Variants in ZDHHC17 observed in about 807,000 individuals in gnomAD.
The protein encoded by ZDHHC17 is palmitoyltransferase ZDHHC17.
In ZDHHC17, 40 loss-of-function variants were observed where a neutral mutation model predicts 90.3. The ratio of observed to expected loss-of-function variants is 0.44; its 90% confidence interval spans 0.34 to 0.58. ZDHHC17 has a LOEUF of 0.58. Ranked by LOEUF, ZDHHC17 falls within the 20% of genes least tolerant of loss-of-function variation. The pLI is 0.01. For missense variants in ZDHHC17, 614 were observed against 780.8 expected, an observed-to-expected ratio of 0.79 and a Z score of 2.55; for synonymous variants, 235 against 252.4, an observed-to-expected ratio of 0.93 and a Z score of 0.65.
chr12:76,786,981 A>G (rs1264285042), intron 1 of ZDHHC17, among the ~76,000 whole-genome samples: 1 of 152,252 alleles, frequency 6.6e-6, no homozygotes, highest in East Asian at 1.9e-4. Context: ...TCAGTTACGT[A>G]TCTTTGCCAT....
At chr12:76,802,329 A>T (rs909732366) in intron 2 of ZDHHC17, among the ~76,000 whole-genome samples, 5 of 152,134 alleles carry the variant, frequency 3.3e-5, no homozygotes, top group Admixed American at 2.6e-4. Context: ...CTTATTGAGG[A>T]TCCTTGTATG....
intron 11 of ZDHHC17, 85 bp downstream of exon 11, chr12:76,842,191 C>G: frequency 7.6e-7 from 1 of 1,321,062 alleles, no homozygotes; most frequent in Non-Finnish European, 9.8e-7. Flanking sequence ...GAGGAATTAA[C>G]TATCGTTTAG....
chr12:76,814,068 A>G (rs917795644), intron 5 of ZDHHC17, among the ~76,000 whole-genome samples: 1 of 152,010 alleles, frequency 6.6e-6, no homozygotes, highest in Non-Finnish European at 1.5e-5. Context: ...TTATTTTCAA[A>G]GTACTCCAGG....
At chr12:76,834,247 TAAAC>T (rs1382802450) in intron 10 of ZDHHC17, among the ~76,000 whole-genome samples, 13 of 152,206 alleles carry the variant, frequency 8.5e-5, no homozygotes, top group African/African-American at 1.2e-4. Flanking sequence ...TTATTATAAT[TAAAC>T]AAATCTAAAA....
intron 11 of ZDHHC17, 70 bp from the exon 12 acceptor site, chr12:76,842,849 C>A: frequency 9.1e-7 from 1 of 1,095,620 alleles, no homozygotes; most frequent in East Asian, 2.7e-5. Context: ...TTTATTGATT[C>A]ATAGTGGTGG....
intron 1 of ZDHHC17, among the ~76,000 whole-genome samples, chr12:76,775,280 G>C (rs1173085985): frequency 1.3e-5 from 2 of 152,156 alleles, no homozygotes; most frequent in African/African-American, 4.8e-5. Context: ...TGTGGAATGT[G>C]TGTCAGTGGC....
intron 1 of ZDHHC17, among the ~76,000 whole-genome samples, chr12:76,792,178 T>C (rs1356588372): frequency 6.6e-6 from 1 of 152,132 alleles, no homozygotes. Flanking sequence ...TAGGCTCCAC[T>C]CCAGGTCACT....
intron 2 of ZDHHC17, among the ~76,000 whole-genome samples, chr12:76,800,413 G>C (rs183027354): frequency 6.6e-6 from 1 of 152,144 alleles, no homozygotes; most frequent in African/African-American, 2.4e-5. Flanking sequence ...TCTAGTTCTT[G>C]CATCCATTAT....
In ZDHHC17 at chr12:76,809,611, A is replaced by G. The variant is rs536778407; in HGVS notation, c.399-102A>G. The G allele has an allele frequency of 1.2e-5, 11 of 933,878 alleles. No individual in the cohort carries two copies. In the East Asian group the frequency reaches 1.3e-4, roughly 11 times the overall value. 57.8% of individuals were successfully genotyped at this position (933,878 alleles called of 1,614,324 possible). On this transcript the variant is annotated intron_variant, in intron 4 of 16. Transcript: ENST00000426126. ...ATTTTAAAATAACTTTTCAAAATAC[A>G]TACGTAATCTTCCCACCATACCTTA...
chr12:76,806,537 A>T (rs76684278), intron 3 of ZDHHC17, among the ~76,000 whole-genome samples: 1 of 152,082 alleles, frequency 6.6e-6, no homozygotes, highest in Non-Finnish European at 1.5e-5. Context: ...ATGCCCAGCT[A>T]ATTTTTTTTA....
At chr12:76,806,022 AG>A in intron 3 of ZDHHC17, among the ~76,000 whole-genome samples, 1 of 152,252 alleles carries the variant, frequency 6.6e-6, no homozygotes, top group East Asian at 1.9e-4. Context: ...ATCAAGAGTC[AG>A]GATGATAGGA....
At chr12:76,800,885 C>CCTTT (rs1952878580) in intron 2 of ZDHHC17, among the ~76,000 whole-genome samples, 2 of 108,086 alleles carry the variant, frequency 1.9e-5, no homozygotes, top group African/African-American at 6.9e-5. Flanking sequence ...TTTGCCATTT[C>CCTTT]TTTTTTTTTT....
intron 2 of ZDHHC17, among the ~76,000 whole-genome samples, chr12:76,804,239 G>C (rs996914970): frequency 6.6e-6 from 1 of 152,216 alleles, no homozygotes; most frequent in Non-Finnish European, 1.5e-5. Flanking sequence ...ATTATCCTTT[G>C]TGTGAGGGGA....
chr12:76,791,847 C>T (rs566114819), intron 1 of ZDHHC17, among the ~76,000 whole-genome samples: 1 of 152,198 alleles, frequency 6.6e-6, no homozygotes, highest in Non-Finnish European at 1.5e-5. Context: ...GCTCACAGAA[C>T]ACAGGGAAAC....
intron 3 of ZDHHC17, among the ~76,000 whole-genome samples, chr12:76,807,255 T>C (rs1036037136): frequency 2.6e-5 from 4 of 152,236 alleles, no homozygotes; most frequent in South Asian, 2.1e-4. Flanking sequence ...AAAACACTTA[T>C]TTGTGATGCT....
intron 1 of ZDHHC17, chr12:76,764,858 T>A: frequency 2.2e-6 from 1 of 456,170 alleles, no homozygotes; most frequent in Non-Finnish European, 4.4e-6. Flanking sequence ...CGGGCGTCCT[T>A]TTTTGAGCAT....
At chr12:76,846,313 T>C (rs1475449111) in intron 13 of ZDHHC17, 4 of 347,726 alleles carry the variant, frequency 1.2e-5, no homozygotes, top group Non-Finnish European at 1.5e-5. Flanking sequence ...TAGGGCTATT[T>C]TAAACCTCAC....
intron 5 of ZDHHC17, among the ~76,000 whole-genome samples, chr12:76,810,708 A>AG (rs35544887): frequency 1.3e-5 from 2 of 151,736 alleles, no homozygotes; most frequent in East Asian, 1.9e-4. Context: ...CTGGAAGGGG[A>AG]GGGGGGGTTA....
At chr12:76,842,812 A>T (rs1333133756) in intron 11 of ZDHHC17, 107 bp from the exon 12 acceptor site, 2 of 763,732 alleles carry the variant, frequency 2.6e-6, no homozygotes, top group Non-Finnish European at 4.2e-6. Flanking sequence ...AACTCAAAAC[A>T]TCAGTAAATT....
Sources: gnomAD v4.1 joint callset for allele counts (sites outside exome capture counted in the v4.1 genomes callset) on GRCh38, gnomAD v4.1.1 for gene constraint, MANE v1.5 for transcripts, NCBI Gene and HGNC (gene_info 2026-07-23, HGNC 2026-07-21) for gene names.